GABBR2: variants seen among roughly 807,000 people sequenced by gnomAD.
GABBR2 encodes gamma-aminobutyric acid type B receptor subunit 2, also known as G-protein coupled receptor 51.
In GABBR2, 23 loss-of-function variants were observed where a neutral mutation model predicts 105.6. That is an observed-to-expected ratio of 0.22 (90% confidence interval 0.16 to 0.31). GABBR2 has a LOEUF of 0.31. Among genes scored for constraint, GABBR2 ranks in the 10% least tolerant of loss-of-function variants. The pLI is 1.00. For missense variants in GABBR2, 734 were observed against 1,245.5 expected (o/e 0.59, Z 6.18); for synonymous variants, 478 against 499.7 (o/e 0.96, Z 0.58).
chr9:98,299,131 G>A, intron 17 of GABBR2, 93 bp downstream of exon 17: 1 of 1,083,556 alleles, frequency 9.2e-7, no homozygotes, highest in Non-Finnish European at 1.4e-6. Context: ...TGCCCTGTCT[G>A]AGCCTCAGTT....
rs548651235 is a variant in GABBR2, at chr9:98,549,088, C to T, written c.460-7045G>A. 2.1e-4 allele frequency among the ~76,000 whole-genome samples: 25 copies of T among 121,210 alleles called. 5 individuals are homozygous for T. The highest frequency in any genetic ancestry group is 5.3e-4 in the African/African-American group (20 of 37,926). The allele number at this position is 121,210 out of a possible 152,430, so 79.5% of individuals were successfully genotyped here. A position where few individuals can be genotyped will look rare whatever the true frequency, so the allele number is the denominator to read the frequency against. ...AAGCAGTGATTACAGGCACCCACCACCATGCCCAGCTAATTTCTTTTTGTT... is the reference window on the plus strand; with the variant it reads ...AAGCAGTGATTACAGGCACCCACCATCATGCCCAGCTAATTTCTTTTTGTT... On this transcript the variant is annotated intron_variant, in intron 2 of 18. Coordinates refer to ENST00000259455, the MANE Select transcript of GABBR2 (RefSeq NM_005458.8).
intron 13 of GABBR2, among the ~76,000 whole-genome samples, chr9:98,325,671 G>A (rs1030734603): frequency 2.0e-5 from 3 of 152,172 alleles, no homozygotes; most frequent in Admixed American, 6.5e-5. Context: ...TCTGAGTAGG[G>A]CAAGACAGTT....
chr9:98,638,195 G>T (rs776906105), intron 1 of GABBR2, among the ~76,000 whole-genome samples: 7 of 152,112 alleles, frequency 4.6e-5, no homozygotes, highest in Non-Finnish European at 1.0e-4. Context: ...TATCTGGAAG[G>T]AAAGACCCAG....
At chr9:98,684,007 C>CAAAAAA (rs367642589) in intron 1 of GABBR2, among the ~76,000 whole-genome samples, 7 of 105,922 alleles carry the variant, frequency 6.6e-5, no homozygotes, top group African/African-American at 1.5e-4. Flanking sequence ...GACTCCATCT[C>CAAAAAA]AAAAAAAAAA....
Position 98,362,735 on chromosome 9 carries a change from C to A in GABBR2, c.1873G>T (p.Val625Leu). The change falls in exon 13 of 19, where the codon GTG becomes TTG. Residue 625 changes from valine (V) to leucine (L), a missense_variant. By Grantham distance (32) the Val-to-Leu change is conservative. Around this residue, in one of 7 missense-constraint regions of GABBR2, gnomAD observed 52 missense variants for 81.3 expected, o/e 0.64. Coordinates refer to ENST00000259455, the MANE Select transcript of GABBR2 (RefSeq NM_005458.8). ...CTTACCTCCATGCTGTACTTCTCCA[C>A]TGTCCTTCGCAGGGGGTCCACAGCC... Reference protein sequence around the residue: ...WQAVDPLRRTVEKYSMEPDPA... With the variant: ...WQAVDPLRRTLEKYSMEPDPA... The A allele has an allele frequency of 6.3e-7, 1 of 1,597,884 alleles. No individual in the cohort carries two copies. The highest frequency in any genetic ancestry group is 2.3e-5 in the East Asian group (1 of 44,122).
chr9:98,528,734 GA>G (rs1331194623), intron 3 of GABBR2, among the ~76,000 whole-genome samples: 2 of 152,038 alleles, frequency 1.3e-5, no homozygotes, highest in African/African-American at 2.4e-5. Context: ...CAATAGTAAT[GA>G]AAAAAATGCA....
intron 12 of GABBR2, among the ~76,000 whole-genome samples, chr9:98,367,573 C>T (rs111376000): frequency 2.4e-4 from 36 of 152,126 alleles, no homozygotes; most frequent in African/African-American, 6.3e-4. Flanking sequence ...ACAATACAAA[C>T]GAACAACATG....
intron 7 of GABBR2, among the ~76,000 whole-genome samples, chr9:98,438,115 T>C (rs905124865): frequency 1.3e-5 from 2 of 149,708 alleles, no homozygotes; most frequent in African/African-American, 4.9e-5. Context: ...CATCCACCCA[T>C]TTATCCATCC....
intron 13 of GABBR2, among the ~76,000 whole-genome samples, chr9:98,332,867 C>T (rs1029816358): frequency 6.6e-6 from 1 of 152,194 alleles, no homozygotes; most frequent in African/African-American, 2.4e-5. Context: ...GTGTCTGAAT[C>T]GTGGAAGAAA....
At chr9:98,370,572 G>A (rs1340303678) in intron 12 of GABBR2, among the ~76,000 whole-genome samples, 1 of 152,198 alleles carries the variant, frequency 6.6e-6, no homozygotes, top group African/African-American at 2.4e-5. Flanking sequence ...TTTTCCCAAG[G>A]CAGGTGGCCG....
At chr9:98,369,723 G>A (rs958408961) in intron 12 of GABBR2, among the ~76,000 whole-genome samples, 2 of 152,072 alleles carry the variant, frequency 1.3e-5, no homozygotes, top group African/African-American at 4.8e-5. Flanking sequence ...CCACTGGGAT[G>A]AGCCCACAGT....
chr9:98,643,813 G>C (rs1829998390), intron 1 of GABBR2, among the ~76,000 whole-genome samples: 1 of 152,178 alleles, frequency 6.6e-6, no homozygotes, highest in Non-Finnish European at 1.5e-5. Flanking sequence ...TCATTTCTTT[G>C]CTGGCATTGC....
intron 7 of GABBR2, among the ~76,000 whole-genome samples, chr9:98,439,728 G>C (rs1246902593): frequency 6.6e-6 from 1 of 152,170 alleles, no homozygotes; most frequent in African/African-American, 2.4e-5. Context: ...GCTGGTTGGG[G>C]ACCCACCAAC....
In GABBR2 at chr9:98,602,459, C is replaced by CAAAA. The variant is rs796794572; in HGVS notation, c.322-24391_322-24388dup. Among the ~76,000 whole-genome samples the CAAAA allele has an allele frequency of 2.4e-4, 30 of 125,540 alleles. 3 individuals are homozygous for CAAAA. The South Asian group carries it at 6.8e-3, about 28-fold the overall frequency. The allele number at this position is 125,540 out of a possible 152,430, so 82.4% of individuals were successfully genotyped here. On this transcript the variant is annotated intron_variant, in intron 1 of 18. Coordinates refer to ENST00000259455, the MANE Select transcript of GABBR2 (RefSeq NM_005458.8). ...TGGGTGACAGAGCTAGACTCTGTCT[C>CAAAA]AAAAAAAAAAAAAAATGGTAAATGT...
At chr9:98,353,750 T>A (rs1238757091) in intron 13 of GABBR2, among the ~76,000 whole-genome samples, 2 of 152,118 alleles carry the variant, frequency 1.3e-5, no homozygotes, top group African/African-American at 2.4e-5. Flanking sequence ...TGAATGGTAA[T>A]CCCGATAATC....
intron 6 of GABBR2, among the ~76,000 whole-genome samples, chr9:98,465,932 A>G (rs546359926): frequency 6.6e-6 from 1 of 152,316 alleles, no homozygotes; most frequent in South Asian, 2.1e-4. Flanking sequence ...GCCTGCTGGG[A>G]GGTGACTGGA....
At chr9:98,701,753 T>A (rs888000336) in intron 1 of GABBR2, among the ~76,000 whole-genome samples, 1 of 152,044 alleles carries the variant, frequency 6.6e-6, no homozygotes, top group Non-Finnish European at 1.5e-5. Context: ...AAGGCCACAG[T>A]GTCTGCACCC....
At chr9:98,372,224 C>G (rs1281504886) in intron 11 of GABBR2, among the ~76,000 whole-genome samples, 1 of 152,220 alleles carries the variant, frequency 6.6e-6, no homozygotes, top group Non-Finnish European at 1.5e-5. Context: ...TGGCCACCAC[C>G]TGTTAGGTCT....
intron 1 of GABBR2, among the ~76,000 whole-genome samples, chr9:98,621,999 C>T (rs1157684356): frequency 6.6e-6 from 1 of 151,896 alleles, no homozygotes; most frequent in African/African-American, 2.4e-5. Flanking sequence ...ATGTGTCTTG[C>T]CACCAAAAAA....
Sources: allele counts gnomAD v4.1 joint callset (sites outside exome capture counted in the v4.1 genomes callset), GRCh38; gene constraint gnomAD v4.1.1; regional missense constraint gnomAD v4.1.1; transcripts MANE v1.5; gene names NCBI Gene and HGNC (gene_info 2026-07-23, HGNC 2026-07-21).